Variants in NUBPL observed in about 807,000 individuals in gnomAD.
NUBPL encodes the protein NUBP iron-sulfur cluster assembly factor, mitochondrial.
A neutral mutation model predicts 45.7 loss-of-function variants in NUBPL; 31 were observed. The observed-to-expected ratio is 0.68, with a 90% CI of 0.51 to 0.92. NUBPL has a LOEUF of 0.92. Among genes scored for constraint, NUBPL ranks in the 40% least tolerant of loss-of-function variants. NUBPL has a pLI of 0.00. For synonymous variants in NUBPL, 144 were observed against 140.9 expected (o/e 1.02, Z -0.15); for missense variants, 401 against 398.7 (o/e 1.01, Z -0.05).
At chr14:31,737,378 A>G (rs1309655056) in intron 6 of NUBPL, among the ~76,000 whole-genome samples, 1 of 152,236 alleles carries the variant, frequency 6.6e-6, no homozygotes, top group African/African-American at 2.4e-5. Context: ...TCCAGCACTT[A>G]ATTACAGTGG....
chr14:31,701,038 T>G (rs1417710266), intron 6 of NUBPL, among the ~76,000 whole-genome samples: 1 of 152,222 alleles, frequency 6.6e-6, no homozygotes, highest in Non-Finnish European at 1.5e-5. Flanking sequence ...CTTGGAGAAC[T>G]TTTATGTCTA....
chr14:31,603,143 T>TA (rs1383709110), intron 4 of NUBPL, among the ~76,000 whole-genome samples: 1 of 150,942 alleles, frequency 6.6e-6, no homozygotes, highest in Non-Finnish European at 1.5e-5. Flanking sequence ...GAGACAAAAA[T>TA]AAAAAAATTA....
chr14:31,586,040 C>G lies in NUBPL; in HGVS notation c.292-13249C>G, dbSNP rs74040878. Among the ~76,000 whole-genome samples the G allele has an allele frequency of 2.7e-3, 418 of 152,280 alleles. 2 individuals are homozygous for G. Among genetic ancestry groups the G allele is most frequent in the African/African-American group, 9.3e-3 (386 of 41,568 alleles). On this transcript the variant is annotated intron_variant, in intron 3 of 10. Coordinates refer to ENST00000281081, the MANE Select transcript of NUBPL (RefSeq NM_025152.3). ...TACTTGAAAAATAATTTTCCTTAAA[C>G]CCCCAAACACTTTTGTTGCAGGTTT...
In NUBPL at chr14:31,607,213, T is replaced by C. The variant is rs374953585; in HGVS notation, c.382+7834T>C. ...CTGGGCAACATGGTGAAACCCCATC[T>C]CTACTAAAATACAAAAAAATTTGGC... On this transcript the variant is annotated intron_variant, in intron 4 of 10. Transcript: ENST00000281081. 6.6e-5 allele frequency among the ~76,000 whole-genome samples: 10 copies of C among 152,102 alleles called. No individual in the cohort carries two copies. The South Asian group carries it at 1.9e-3, about 28-fold the overall frequency.
chr14:31,632,197 A>G (rs78531157), intron 4 of NUBPL, among the ~76,000 whole-genome samples: 5,183 of 151,740 alleles, frequency 0.034, 274 homozygotes, highest in African/African-American at 0.12. Context: ...AACAACAGAT[A>G]GGATAGTAAC....
chr14:31,634,399 C>T (rs2035430001), intron 4 of NUBPL, among the ~76,000 whole-genome samples: 1 of 151,730 alleles, frequency 6.6e-6, no homozygotes, highest in Non-Finnish European at 1.5e-5. Context: ...TCATCCATGT[C>T]CCTACAAAGG....
chr14:31,639,577 C>T (rs1449328705), intron 4 of NUBPL, among the ~76,000 whole-genome samples: 3 of 152,188 alleles, frequency 2.0e-5, no homozygotes, highest in Non-Finnish European at 4.4e-5. Context: ...CTTAGATCTC[C>T]AGCTGCATCC....
chr14:31,716,019 AT>A (rs1214938609), intron 6 of NUBPL, among the ~76,000 whole-genome samples: 2 of 151,472 alleles, frequency 1.3e-5, no homozygotes, highest in African/African-American at 4.9e-5. Flanking sequence ...TACTTAAAAA[AT>A]TTTTTTTGGT....
intron 8 of NUBPL, among the ~76,000 whole-genome samples, chr14:31,839,896 C>T (rs998062972): frequency 7.9e-5 from 12 of 151,754 alleles, no homozygotes; most frequent in Admixed American, 5.9e-4. Context: ...ATGAGATATC[C>T]CCTCATACCT....
chr14:31,618,698 T>C (rs965421234), intron 4 of NUBPL, among the ~76,000 whole-genome samples: 2 of 152,216 alleles, frequency 1.3e-5, no homozygotes, highest in Admixed American at 6.5e-5. Context: ...CTTCAAATTA[T>C]GTGATCAATT....
At chr14:31,714,026 C>T (rs1288190146) in intron 6 of NUBPL, among the ~76,000 whole-genome samples, 1 of 152,084 alleles carries the variant, frequency 6.6e-6, no homozygotes, top group Non-Finnish European at 1.5e-5. Context: ...ATTCCCAGCC[C>T]CTGTCTCTTT....
chr14:31,566,001 A>G (rs1340099448), intron 3 of NUBPL, among the ~76,000 whole-genome samples: 2 of 152,132 alleles, frequency 1.3e-5, no homozygotes, highest in Non-Finnish European at 2.9e-5. Flanking sequence ...TCAGCTACTA[A>G]ATGAAAAGGC....
At chr14:31,636,856 A>G (rs2035518842) in intron 4 of NUBPL, among the ~76,000 whole-genome samples, 1 of 152,170 alleles carries the variant, frequency 6.6e-6, no homozygotes, top group African/African-American at 2.4e-5. Context: ...CATTTCTTCT[A>G]GATTTTCTAG....
At chr14:31,813,471 A>G (rs762887691) in intron 7 of NUBPL, among the ~76,000 whole-genome samples, 3 of 150,862 alleles carry the variant, frequency 2.0e-5, no homozygotes, top group Non-Finnish European at 4.4e-5. Context: ...ACACACATAC[A>G]TACATATATA....
chr14:31,637,309 A>T (rs1370726496), intron 4 of NUBPL, among the ~76,000 whole-genome samples: 1 of 152,172 alleles, frequency 6.6e-6, no homozygotes, highest in African/African-American at 2.4e-5. Flanking sequence ...TGTTGGTTTC[A>T]AAGAACATCT....
intron 6 of NUBPL, among the ~76,000 whole-genome samples, chr14:31,775,990 G>A (rs2039092145): frequency 6.6e-6 from 1 of 152,162 alleles, no homozygotes; most frequent in Non-Finnish European, 1.5e-5. Flanking sequence ...AAGCATTTCT[G>A]TTCAAAGAGT....
chr14:31,758,720 A>T (rs10142679), intron 6 of NUBPL, among the ~76,000 whole-genome samples: 24,546 of 152,110 alleles, frequency 0.16, 5,640 homozygotes, highest in African/African-American at 0.51. Flanking sequence ...AAATTATAAG[A>T]CCTACTCTTT....
intron 6 of NUBPL, among the ~76,000 whole-genome samples, chr14:31,785,886 C>T (rs891834865): frequency 2.6e-5 from 4 of 152,108 alleles, no homozygotes; most frequent in Non-Finnish European, 5.9e-5. Context: ...AGGCCAGGCA[C>T]GGTGACTCAT....
intron 6 of NUBPL, among the ~76,000 whole-genome samples, chr14:31,753,729 C>T (rs1387164654): frequency 6.6e-6 from 1 of 152,126 alleles, no homozygotes; most frequent in Admixed American, 6.5e-5. Context: ...GCTTCCTATC[C>T]CGGGCTCAGG....
Sources: gnomAD v4.1 joint callset for allele counts (sites outside exome capture counted in the v4.1 genomes callset) on GRCh38, gnomAD v4.1.1 for gene constraint, MANE v1.5 for transcripts, NCBI Gene and HGNC (gene_info 2026-07-23, HGNC 2026-07-21) for gene names.